The following ZFHX3 variants were observed in gnomAD, a reference collection of about 807,000 sequenced individuals.
ZFHX3 encodes zinc finger homeobox 3.
Under a neutral mutation model 279.1 loss-of-function variants are expected in ZFHX3, and 42 were observed. The ratio of observed to expected loss-of-function variants is 0.15; its 90% CI spans 0.12 to 0.19. The LOEUF (loss-of-function observed/expected upper bound fraction) is 0.19, where lower values mean the gene tolerates loss of function less well. Among genes scored for constraint, ZFHX3 ranks in the 10% least tolerant of loss-of-function variants. The pLI, the probability that ZFHX3 is intolerant of heterozygous loss-of-function variation, is 1.00. For synonymous variants in ZFHX3, 2,293 were observed against 1,957.8 expected (o/e 1.17, Z -4.52); for missense variants, 4,981 against 4,754.0 (o/e 1.05, Z -1.40).
chr16:73,179,680 A>C (rs1312608814), intron 5 of ZFHX3, among the ~76,000 whole-genome samples: 7 of 152,182 alleles, frequency 4.6e-5, no homozygotes, highest in African/African-American at 7.2e-5. Context: ...TTAAGTCTCC[A>C]AGTTGTCTCT....
intron 1 of ZFHX3, among the ~76,000 whole-genome samples, chr16:73,876,672 GA>G (rs1222997351): frequency 1.3e-5 from 2 of 152,164 alleles, no homozygotes; most frequent in East Asian, 3.9e-4. Flanking sequence ...TGTGGGGTAG[GA>G]ATTCATTAGC....
intron 5 of ZFHX3, among the ~76,000 whole-genome samples, chr16:73,210,762 G>C (rs1417580609): frequency 1.3e-5 from 2 of 152,108 alleles, no homozygotes; most frequent in Non-Finnish European, 2.9e-5. Flanking sequence ...CTCTAACGTG[G>C]GGGAACAAGA....
At chr16:73,685,476 G>A (rs190434281) in intron 1 of ZFHX3, among the ~76,000 whole-genome samples, 86 of 152,296 alleles carry the variant, frequency 5.6e-4, no homozygotes, top group African/African-American at 1.9e-3. Flanking sequence ...GTGAGAAGGC[G>A]AATTCCCCCT....
At chr16:73,428,893 T>C (rs867160322) in intron 3 of ZFHX3, among the ~76,000 whole-genome samples, 1 of 152,172 alleles carries the variant, frequency 6.6e-6, no homozygotes, top group Non-Finnish European at 1.5e-5. Flanking sequence ...AGCCTCACCA[T>C]GTTAAATATC....
chr16:73,058,359 G>A (rs1965613463), intron 1 of ZFHX3, among the ~76,000 whole-genome samples: 1 of 149,350 alleles, frequency 6.7e-6, no homozygotes, highest in East Asian at 2.0e-4. Context: ...CGCGGGGAGC[G>A]CGGGCGGCGG....
At chr16:73,597,183 T>C (rs1226593181) in intron 2 of ZFHX3, among the ~76,000 whole-genome samples, 1 of 152,156 alleles carries the variant, frequency 6.6e-6, no homozygotes, top group Non-Finnish European at 1.5e-5. Flanking sequence ...TGCATCTCAG[T>C]CCTACTTAAC....
chr16:72,923,533 T>C (rs1959260080), intron 3 of ZFHX3, among the ~76,000 whole-genome samples: 1 of 151,558 alleles, frequency 6.6e-6, no homozygotes, highest in Non-Finnish European at 1.5e-5. Flanking sequence ...ATTTATAAAA[T>C]CAAAATTTCA....
At position 73,327,652 on chromosome 16, in the gene ZFHX3, A is replaced by G. The variant is rs1334781223; in HGVS notation, c.-1290-9316T>C. On this transcript the variant is annotated intron_variant, in intron 3 of 17. Transcript: ENST00000641206. The stretch of plus-strand genomic sequence containing the variant: ...AAGACAATGACAAGATTCAGCAAGT[A>G]TCTTGCCTTATCATTCAAGAATACC... Among the ~76,000 whole-genome samples the G allele has an allele frequency of 5.9e-5, 9 of 152,384 alleles. No individual in the cohort carries two copies. In the South Asian group the frequency reaches 1.9e-3, roughly 32 times the overall value.
rs553956606 is a variant in ZFHX3, at chr16:73,436,982, T to C, written c.-1291+19021A>G. On this transcript the variant is annotated intron_variant, in intron 3 of 17. Transcript: ENST00000641206. The stretch of plus-strand genomic sequence containing the variant: ...TCAAGCTGGTCTTGCTTCTCTTAGA[T>C]TGAAGCTTCTTCAGTTGTTTGGCTA... 7.1e-4 allele frequency among the ~76,000 whole-genome samples: 108 copies of C among 152,298 alleles called. 3 individuals carry two copies. In the South Asian group the frequency reaches 0.018, roughly 26 times the overall value.
At chr16:73,568,719 C>G (rs11149896) in intron 2 of ZFHX3, among the ~76,000 whole-genome samples, 2 of 152,164 alleles carry the variant, frequency 1.3e-5, no homozygotes, top group African/African-American at 2.4e-5. Context: ...AGCTGGCCCC[C>G]CTCTAGCCAC....
intron 5 of ZFHX3, among the ~76,000 whole-genome samples, chr16:73,186,325 G>A (rs1967906347): frequency 6.6e-6 from 1 of 152,092 alleles, no homozygotes; most frequent in South Asian, 2.1e-4. Context: ...TGCCCTACCA[G>A]GTGTGTACCT....
chr16:73,399,952 C>T (rs752842902), intron 3 of ZFHX3, among the ~76,000 whole-genome samples: 5 of 151,798 alleles, frequency 3.3e-5, no homozygotes, highest in Non-Finnish European at 7.4e-5. Flanking sequence ...GCTAAGCCTG[C>T]ATGCACAGTA....
intron 1 of ZFHX3, among the ~76,000 whole-genome samples, chr16:73,831,810 G>A (rs185095844): frequency 8.5e-5 from 13 of 152,308 alleles, no homozygotes; most frequent in East Asian, 7.7e-4. Flanking sequence ...TATTGTGGCC[G>A]TCCTTCAGGG....
intron 2 of ZFHX3, among the ~76,000 whole-genome samples, chr16:73,532,484 G>A (rs968464510): frequency 6.6e-6 from 1 of 152,128 alleles, no homozygotes; most frequent in Non-Finnish European, 1.5e-5. Flanking sequence ...CCAGCAGCGT[G>A]AAAATGGAGT....
chr16:72,783,061 C>A lies in ZFHX3; in HGVS notation c.*4103G>T, dbSNP rs983781070. Reference sequence around the variant, plus strand: ...TCCATGTGGTTCTGTTTGTTAGTCTCCATGTATTTTGGTACAGTTCGAGAT... The same window carrying A: ...TCCATGTGGTTCTGTTTGTTAGTCTACATGTATTTTGGTACAGTTCGAGAT... On this transcript the variant is annotated 3_prime_UTR_variant, in exon 10 of 10. Transcript: ENST00000268489. 6.6e-6 allele frequency: 1 copy of A among 152,302 alleles called. No individual in the cohort carries two copies. The highest frequency in any genetic ancestry group is 6.6e-5 in the Admixed American group (1 of 15,260). The allele number at this position is 152,302 out of a possible 1,614,324, so 9.4% of individuals were successfully genotyped here.
At chr16:73,466,490 C>T (rs2018572490) in intron 2 of ZFHX3, among the ~76,000 whole-genome samples, 1 of 152,132 alleles carries the variant, frequency 6.6e-6, no homozygotes, top group Non-Finnish European at 1.5e-5. Context: ...TCAAAACCAC[C>T]ATCACCATCA....
chr16:73,697,504 T>C (rs183359319), intron 1 of ZFHX3, among the ~76,000 whole-genome samples: 1 of 152,302 alleles, frequency 6.6e-6, no homozygotes, highest in East Asian at 1.9e-4. Flanking sequence ...TGTTCCCAAG[T>C]TGCTATATAC....
chr16:73,729,460 C>A (rs1487179732), intron 1 of ZFHX3, among the ~76,000 whole-genome samples: 1 of 151,800 alleles, frequency 6.6e-6, no homozygotes, highest in Non-Finnish European at 1.5e-5. Flanking sequence ...ACCTGGGCGG[C>A]AGAGGCTGTA....
chr16:73,218,407 C>T (rs1238719334), intron 5 of ZFHX3, among the ~76,000 whole-genome samples: 1 of 152,130 alleles, frequency 6.6e-6, no homozygotes, highest in African/African-American at 2.4e-5. Context: ...GCAGGGACGA[C>T]CCAATTAACT....
Sources: gnomAD v4.1 joint callset for allele counts (sites outside exome capture counted in the v4.1 genomes callset) on GRCh38, gnomAD v4.1.1 for gene constraint, MANE v1.5 for transcripts, NCBI Gene and HGNC (gene_info 2026-07-23, HGNC 2026-07-21) for gene names.